Variants in AGO4 observed in about 807,000 individuals in gnomAD.
The protein encoded by AGO4 is protein argonaute-4.
Under a neutral mutation model 104.7 loss-of-function variants are expected in AGO4, and 33 were observed. The observed-to-expected ratio is 0.32, with a 90% CI of 0.24 to 0.42. AGO4 has a LOEUF of 0.42. Among genes scored for constraint, AGO4 ranks in the 10% least tolerant of loss-of-function variants. AGO4 has a pLI of 1.00. For missense variants in AGO4, 711 were observed against 1,083.4 expected, an observed-to-expected ratio of 0.66 and a Z score of 4.83; for synonymous variants, 331 against 364.7, an observed-to-expected ratio of 0.91 and a Z score of 1.05.
At position 35,808,765 on chromosome 1, in the gene AGO4, G is replaced by A. The variant is rs1434661492; in HGVS notation, c.19+330G>A. On this transcript the variant is annotated intron_variant, in intron 1 of 17. Transcript: ENST00000373210. This position sits in a 1 kb window ranked among gnomAD's most constrained non-coding sequence, Gnocchi z 5.2. ...GAGGGTAGTTTGGGCCTCAGAAGGG[G>A]GCGATCCGCTACCCAGTGCGCGCGG... Among the ~76,000 whole-genome samples, 1 of 152,222 alleles carries A rather than the reference G, an allele frequency of 6.6e-6. No individual in the cohort carries two copies. Among genetic ancestry groups the A allele is most frequent in the East Asian group, 1.9e-4 (1 of 5,178 alleles).
intron 12 of AGO4, among the ~76,000 whole-genome samples, chr1:35,835,565 T>C (rs1464317462): frequency 1.3e-5 from 2 of 151,942 alleles, no homozygotes; most frequent in Non-Finnish European, 2.9e-5. Context: ...GCTGAGCAAG[T>C]CGTGGCAGGC....
intron 2 of AGO4, 123 bp from the exon 3 acceptor site, chr1:35,822,739 A>AC: frequency 2.4e-6 from 3 of 1,243,840 alleles, no homozygotes; most frequent in Non-Finnish European, 3.4e-6. Context: ...ATCAATTGTA[A>AC]CCTTAACTCT....
At chr1:35,827,994 C>T (rs1644072563) in intron 7 of AGO4, among the ~76,000 whole-genome samples, 1 of 151,770 alleles carries the variant, frequency 6.6e-6, no homozygotes, top group South Asian at 2.1e-4. Context: ...GTTTGCCCGC[C>T]TCGGCCTCCC....
chr1:35,828,226 C>T (rs1159204798), intron 7 of AGO4, among the ~76,000 whole-genome samples: 1 of 152,024 alleles, frequency 6.6e-6, no homozygotes, highest in Non-Finnish European at 1.5e-5. Flanking sequence ...ACCGTCATGG[C>T]CCACTGCAGC....
chr1:35,853,166 G>A (rs1329713627), intron 17 of AGO4, among the ~76,000 whole-genome samples: 1 of 151,014 alleles, frequency 6.6e-6, no homozygotes, highest in African/African-American at 2.4e-5. Context: ...CAGGAGAATG[G>A]TGTAAACCCG....
At chr1:35,835,303 C>G (rs572126312) in intron 12 of AGO4, among the ~76,000 whole-genome samples, 72 of 152,144 alleles carry the variant, frequency 4.7e-4, no homozygotes, top group African/African-American at 1.7e-3. Context: ...GTGATCCACC[C>G]GCCTTGGCCT....
chr1:35,814,317 A>AT (rs937149028), intron 1 of AGO4, among the ~76,000 whole-genome samples: 6 of 151,720 alleles, frequency 4.0e-5, no homozygotes, highest in Admixed American at 6.6e-5. Flanking sequence ...TTTTTTTTAA[A>AT]TTTTTTTTAT....
At position 35,826,202 on chromosome 1, in the gene AGO4, C is replaced by G. The variant is rs1644017503; in HGVS notation, c.760+142C>G. ...GGACCTTGGTCAAGTTCCTTAACCA[C>G]TGTGAACCTTAGTGTATTCATCTCT... On this transcript the variant is annotated intron_variant, in intron 6 of 17. Coordinates refer to ENST00000373210, the MANE Select transcript of AGO4 (RefSeq NM_017629.4). The G allele has an allele frequency of 6.2e-6, 6 of 974,968 alleles. No individual in the cohort carries two copies. In the South Asian group the frequency reaches 9.8e-5, roughly 16 times the overall value. 60.4% of individuals were successfully genotyped at this position (974,968 alleles called of 1,614,324 possible).
In AGO4 at chr1:35,825,734, C is replaced by T; in HGVS notation, c.544C>T (p.Leu182=). 6.3e-7 allele frequency: 1 copy of T among 1,592,088 alleles called. No homozygotes were observed. The highest frequency in any genetic ancestry group is 1.4e-5 in the African/African-American group (1 of 73,720). ...ACCCCCGGAAGGTTACTACCACCCT[C>T]TGGGAGGGGGCAGGGAGGTCTGGTT... is the stretch of plus-strand genomic sequence containing the variant. ...FSPPEGYYHP[L]GGGREVWFGF... Residue 182 remains leucine, a synonymous_variant, in exon 5 of 18, where the codon CTG becomes TTG. Transcript: ENST00000373210.
intron 7 of AGO4, among the ~76,000 whole-genome samples, chr1:35,828,392 T>C (rs1644087742): frequency 6.6e-6 from 1 of 152,092 alleles, no homozygotes; most frequent in Admixed American, 6.6e-5. Flanking sequence ...TATTGCTTTG[T>C]GTTTTGTGTG....
chr1:35,818,826 A>G (rs1571261920), intron 2 of AGO4, among the ~76,000 whole-genome samples: 1 of 152,158 alleles, frequency 6.6e-6, no homozygotes, highest in South Asian at 2.1e-4. Flanking sequence ...CATTCATAAC[A>G]CTTTGTCATT....
At chr1:35,827,111 G>C (rs1644042662) in intron 7 of AGO4, among the ~76,000 whole-genome samples, 1 of 152,032 alleles carries the variant, frequency 6.6e-6, no homozygotes. Context: ...CTGAGGCAGA[G>C]AATTGTTTGA....
chr1:35,821,890 A>G (rs1171817979), intron 2 of AGO4, among the ~76,000 whole-genome samples: 1 of 151,052 alleles, frequency 6.6e-6, no homozygotes, highest in African/African-American at 2.4e-5. Context: ...TACTTGAATA[A>G]GGATTTTTTT....
At chr1:35,809,209 C>G (rs1393702951) in intron 1 of AGO4, among the ~76,000 whole-genome samples, 3 of 152,108 alleles carry the variant, frequency 2.0e-5, no homozygotes, top group African/African-American at 7.2e-5. Flanking sequence ...ATATGGATGG[C>G]CTCTGGTTAT....
chr1:35,829,177 A>G (rs1644113194), intron 7 of AGO4, among the ~76,000 whole-genome samples: 1 of 152,164 alleles, frequency 6.6e-6, no homozygotes, highest in Non-Finnish European at 1.5e-5. Flanking sequence ...CTGGATAAAT[A>G]AAGTGCATTA....
At chr1:35,844,487 C>G (rs1016473610) in intron 15 of AGO4, among the ~76,000 whole-genome samples, 6 of 152,172 alleles carry the variant, frequency 3.9e-5, no homozygotes, top group Non-Finnish European at 5.9e-5. Context: ...GTCCCCTACC[C>G]TATTCATAAT....
Position 35,856,548 on chromosome 1 carries a change from T to C in AGO4, c.*2943T>C, listed in dbSNP as rs573756803. ...ATTTGGGGATAAGAAGTGGGGACAT[T>C]GGCCGGGCGCGGTGGCTCACGCCTG... On this transcript the variant is annotated 3_prime_UTR_variant, in exon 18 of 18. Transcript: ENST00000373210. The C allele has an allele frequency of 2.6e-5, 4 of 152,318 alleles. No homozygotes were observed. Among genetic ancestry groups the C allele is most frequent in the Admixed American group, 2.6e-4 (4 of 15,272 alleles). The allele number at this position is 152,318 out of a possible 1,614,324, so 9.4% of individuals were successfully genotyped here.
intron 11 of AGO4, among the ~76,000 whole-genome samples, chr1:35,833,624 C>T (rs993098449): frequency 1.3e-5 from 2 of 152,138 alleles, no homozygotes; most frequent in Admixed American, 6.5e-5. Context: ...TACCAAAATG[C>T]ACGTTACCTG....
intron 11 of AGO4, among the ~76,000 whole-genome samples, chr1:35,832,838 G>GA: frequency 6.6e-6 from 1 of 152,170 alleles, no homozygotes; most frequent in East Asian, 1.9e-4. Flanking sequence ...AGTTCTTATT[G>GA]AAGCTTCCTT....
Sources: allele counts gnomAD v4.1 joint callset (sites outside exome capture counted in the v4.1 genomes callset), GRCh38; gene constraint gnomAD v4.1.1; non-coding constraint Gnocchi (gnomAD v3.1); transcripts MANE v1.5; gene names NCBI Gene and HGNC (gene_info 2026-07-23, HGNC 2026-07-21).